Variants in NAALADL2 observed in about 807,000 individuals in gnomAD.
NAALADL2 encodes inactive N-acetylated-alpha-linked acidic dipeptidase-like protein 2.
NAALADL2 carries 76 observed loss-of-function variants against 87.2 expected under a neutral mutation model. That is an observed-to-expected ratio of 0.87 (90% CI 0.72 to 1.05). The LOEUF is 1.05. NAALADL2 is among the 50% of genes least tolerant of loss of function. The pLI is 0.00. For missense variants in NAALADL2, 1,089 were observed against 945.8 expected (o/e 1.15, Z -1.99); for synonymous variants, 354 against 331.0 (o/e 1.07, Z -0.75).
intron 4 of NAALADL2, among the ~76,000 whole-genome samples, chr3:175,290,903 G>GT (rs143382472): frequency 0.073 from 11,076 of 151,656 alleles, 1,303 homozygotes; most frequent in African/African-American, 0.25. Context: ...GTGTGTGCGT[G>GT]TTTTTTTTCT....
intron 1 of NAALADL2, among the ~76,000 whole-genome samples, chr3:174,921,037 A>G (rs1014435684): frequency 2.6e-5 from 4 of 152,210 alleles, no homozygotes; most frequent in Admixed American, 6.5e-5. Context: ...ATCAAAGATC[A>G]CTGATTACAG....
At chr3:175,238,431 A>C (rs1746285064) in intron 3 of NAALADL2, among the ~76,000 whole-genome samples, 2 of 152,184 alleles carry the variant, frequency 1.3e-5, no homozygotes, top group South Asian at 4.1e-4. Flanking sequence ...TAAACCTTAC[A>C]CCTTGTATTT....
intron 2 of NAALADL2, among the ~76,000 whole-genome samples, chr3:175,132,125 C>T (rs1351103420): frequency 1.2e-4 from 15 of 123,818 alleles, no homozygotes; most frequent in Admixed American, 3.1e-4. Flanking sequence ...GGCGGCTGGC[C>T]GGGCGGGGGG....
At chr3:175,627,595 T>C (rs78801205) in intron 11 of NAALADL2, among the ~76,000 whole-genome samples, 3 of 151,472 alleles carry the variant, frequency 2.0e-5, no homozygotes, top group Admixed American at 6.6e-5. Context: ...TGTATGATCA[T>C]TTGTATTACA....
At chr3:175,215,357 A>C (rs1227812006) in intron 2 of NAALADL2, among the ~76,000 whole-genome samples, 6 of 152,144 alleles carry the variant, frequency 3.9e-5, no homozygotes, top group African/African-American at 1.4e-4. Context: ...CACTTGAATC[A>C]TACCCTTGTC....
intron 11 of NAALADL2, among the ~76,000 whole-genome samples, chr3:175,678,279 T>A (rs1735095996): frequency 6.6e-6 from 1 of 152,196 alleles, no homozygotes; most frequent in Admixed American, 6.6e-5. Flanking sequence ...AAATAGTGGT[T>A]CATTGCCCTC....
intron 2 of NAALADL2, among the ~76,000 whole-genome samples, chr3:174,625,654 C>T (rs1236720633): frequency 6.6e-6 from 1 of 151,776 alleles, no homozygotes; most frequent in Non-Finnish European, 1.5e-5. Flanking sequence ...TACATTTATA[C>T]TTGTGAAAAA....
At chr3:174,870,333 A>G (rs1727665531) in intron 1 of NAALADL2, among the ~76,000 whole-genome samples, 1 of 152,160 alleles carries the variant, frequency 6.6e-6, no homozygotes, top group African/African-American at 2.4e-5. Context: ...TCCACTGCCC[A>G]TAAATTTTGA....
At chr3:174,963,641 T>C (rs1742451349) in intron 1 of NAALADL2, among the ~76,000 whole-genome samples, 1 of 152,176 alleles carries the variant, frequency 6.6e-6, no homozygotes, top group Non-Finnish European at 1.5e-5. Flanking sequence ...CCGCCATGGT[T>C]TTCTTCACTG....
chr3:174,726,229 G>A (rs570028480), intron 2 of NAALADL2, among the ~76,000 whole-genome samples: 3 of 152,114 alleles, frequency 2.0e-5, no homozygotes, highest in African/African-American at 7.2e-5. Flanking sequence ...TCAACCAAGT[G>A]GAAAAGTTAA....
At chr3:174,482,594 T>C (rs1717624662) in intron 1 of NAALADL2, among the ~76,000 whole-genome samples, 1 of 152,084 alleles carries the variant, frequency 6.6e-6, no homozygotes. Flanking sequence ...GTTTCATTTT[T>C]CCAGTATTTA....
chr3:175,560,346 A>G (rs774224524), intron 9 of NAALADL2, among the ~76,000 whole-genome samples: 2 of 151,892 alleles, frequency 1.3e-5, no homozygotes. Flanking sequence ...ATCTGGCTAA[A>G]GGTTCGACAA....
chr3:175,429,204 C>CAT (rs1560535975), intron 5 of NAALADL2, among the ~76,000 whole-genome samples: 3 of 124,008 alleles, frequency 2.4e-5, no homozygotes, highest in African/African-American at 9.0e-5. Flanking sequence ...CACACACACA[C>CAT]ACACACATAT....
At position 175,071,124 on chromosome 3, in the gene NAALADL2, GGGGCAAGCACA is replaced by G. The variant is rs1380953239; in HGVS notation, c.44-25665_44-25655del. The stretch of plus-strand genomic sequence containing the variant: ...CTTGAGTGCCAGTTAGTGCACTGCA[GGGGCAAGCACA>G]AACACTGACTCACTTTCTAGGTAAG... On this transcript the variant is annotated intron_variant, in intron 1 of 13. Coordinates refer to ENST00000454872, the MANE Select transcript of NAALADL2 (RefSeq NM_207015.3). Among the ~76,000 whole-genome samples the G allele has an allele frequency of 5.7e-4, 86 of 152,158 alleles. 1 individual carries two copies. The highest frequency in any genetic ancestry group is 1.9e-3 in the African/African-American group (81 of 41,540).
intron 1 of NAALADL2, chr3:175,060,019 C>T (rs1253639751): frequency 2.4e-6 from 1 of 413,316 alleles, no homozygotes; most frequent in Non-Finnish European, 4.8e-6. Flanking sequence ...TTTCAGGTCT[C>T]TGAAACCCAT....
At chr3:175,701,792 T>C (rs1277225023) in intron 11 of NAALADL2, among the ~76,000 whole-genome samples, 1 of 152,216 alleles carries the variant, frequency 6.6e-6, no homozygotes. Flanking sequence ...TCAAAGAATG[T>C]ATTCAACAGG....
intron 1 of NAALADL2, among the ~76,000 whole-genome samples, chr3:174,917,728 T>C (rs1192991710): frequency 1.6e-5 from 2 of 124,984 alleles, no homozygotes; most frequent in Non-Finnish European, 3.3e-5. Context: ...TTAGATCTAT[T>C]TGTTATTTTT....
intron 11 of NAALADL2, among the ~76,000 whole-genome samples, chr3:175,729,365 T>C (rs1743363015): frequency 6.6e-6 from 1 of 152,172 alleles, no homozygotes; most frequent in African/African-American, 2.4e-5. Context: ...TGTGTTAAAG[T>C]GAATTAACAA....
rs938211824 is a variant in NAALADL2, at chr3:175,524,547, T to C, written c.1654-51494T>C. On this transcript the variant is annotated intron_variant, in intron 9 of 13. Coordinates refer to ENST00000454872, the MANE Select transcript of NAALADL2 (RefSeq NM_207015.3). ...ACATCTAAGTAGTACATGATTTCTC[T>C]TCCTTATATAGTTTATACCACTTAA... Among the ~76,000 whole-genome samples the C allele has an allele frequency of 8.5e-5, 13 of 152,138 alleles. 1 individual carries two copies. Among genetic ancestry groups the C allele is most frequent in the Admixed American group, 7.9e-4 (12 of 15,274 alleles).
Sources: gnomAD v4.1 joint callset for allele counts (sites outside exome capture counted in the v4.1 genomes callset) on GRCh38, gnomAD v4.1.1 for gene constraint, MANE v1.5 for transcripts, NCBI Gene and HGNC (gene_info 2026-07-23, HGNC 2026-07-21) for gene names.